The following IL34 variants were observed in gnomAD, a reference collection of about 807,000 sequenced individuals.
IL34 encodes the protein interleukin-34.
A neutral mutation model predicts 25.3 loss-of-function variants in IL34; 17 were observed. The observed-to-expected ratio is 0.67, with a 90% confidence interval of 0.46 to 1.01. IL34 has a LOEUF of 1.01. IL34 is among the 50% of genes least tolerant of loss of function. The pLI, the probability that IL34 is intolerant of heterozygous loss-of-function variation, is 0.00. For missense variants in IL34, 368 were observed against 312.9 expected (o/e 1.18, Z -1.33); for synonymous variants, 174 against 140.9 (o/e 1.23, Z -1.66).
At chr16:70,599,388 CTCTT>C (rs1259189529) in intron 1 of IL34, among the ~76,000 whole-genome samples, 57 of 145,940 alleles carry the variant, frequency 3.9e-4, no homozygotes, top group African/African-American at 1.3e-3. Flanking sequence ...CTTTCTCTCT[CTCTT>C]TCTTTCTTTA....
intron 1 of IL34, among the ~76,000 whole-genome samples, chr16:70,651,606 T>C (rs992139971): frequency 3.3e-5 from 5 of 151,504 alleles, no homozygotes; most frequent in African/African-American, 1.2e-4. Context: ...GAGAAGGCAG[T>C]GGGGAGGTAG....
chr16:70,625,225 G>A (rs2051365628), intron 1 of IL34, among the ~76,000 whole-genome samples: 1 of 151,878 alleles, frequency 6.6e-6, no homozygotes, highest in African/African-American at 2.4e-5. Flanking sequence ...AAGGAGGAAT[G>A]GATGGTGGAA....
At chr16:70,583,766 C>T (rs1014689639) in intron 1 of IL34, among the ~76,000 whole-genome samples, 1 of 152,032 alleles carries the variant, frequency 6.6e-6, no homozygotes, top group African/African-American at 2.4e-5. Context: ...ATTTTCATGC[C>T]TCAGCCTCCC....
At chr16:70,627,178 T>G (rs1007256504) in intron 1 of IL34, among the ~76,000 whole-genome samples, 2 of 152,182 alleles carry the variant, frequency 1.3e-5, no homozygotes, top group African/African-American at 4.8e-5. Context: ...CCTTATATGT[T>G]GAGCTCTTTC....
intron 1 of IL34, among the ~76,000 whole-genome samples, chr16:70,622,677 C>T (rs1295140133): frequency 6.6e-6 from 1 of 151,562 alleles, no homozygotes; most frequent in African/African-American, 2.4e-5. Flanking sequence ...ATGTGGGGGG[C>T]CAGATTGAAG....
upstream of IL34, among the ~76,000 whole-genome samples, chr16:70,645,272 A>G (rs1250206821): frequency 6.6e-6 from 1 of 152,076 alleles, no homozygotes; most frequent in African/African-American, 2.4e-5. Flanking sequence ...AACTTGAACA[A>G]CCCGTGTTCT....
intron 1 of IL34, among the ~76,000 whole-genome samples, chr16:70,652,127 C>CA (rs143991484): frequency 1.1e-3 from 156 of 143,320 alleles, no homozygotes; most frequent in East Asian, 8.2e-3. Flanking sequence ...GACTCCGTCT[C>CA]AAAAAAAAAA....
intron 1 of IL34, among the ~76,000 whole-genome samples, chr16:70,641,476 T>A (rs2051780785): frequency 6.6e-6 from 1 of 151,934 alleles, no homozygotes. Context: ...TGGATTGAAA[T>A]ACATAAATTA....
In IL34 at chr16:70,646,782, G is replaced by C; in HGVS notation, c.-166G>C. On this transcript the variant is annotated 5_prime_UTR_variant, in exon 1 of 6. Coordinates refer to ENST00000288098, the MANE Select transcript of IL34 (RefSeq NM_001393494.1). ...GCAGATAAGGGCAGCTGCTGCCCTT[G>C]GGGCACCTGCTCACTCCCGCAGCCC... The C allele has an allele frequency of 1.7e-6, 1 of 596,222 alleles. No individual in the cohort carries two copies. 36.9% of individuals were successfully genotyped at this position (596,222 alleles called of 1,614,324 possible).
At chr16:70,620,807 A>C (rs1367267408) in intron 1 of IL34, among the ~76,000 whole-genome samples, 1 of 152,200 alleles carries the variant, frequency 6.6e-6, no homozygotes, top group Non-Finnish European at 1.5e-5. Flanking sequence ...ATCAAGGGGC[A>C]TTGCAGAAGA....
chr16:70,590,565 T>C (rs2151806742), intron 1 of IL34, among the ~76,000 whole-genome samples: 1 of 152,278 alleles, frequency 6.6e-6, no homozygotes, highest in East Asian at 1.9e-4. Context: ...GGAAGGCTTG[T>C]CCCAGGTCTA....
chr16:70,652,245 T>C (rs1052804717), intron 1 of IL34, among the ~76,000 whole-genome samples: 21 of 152,072 alleles, frequency 1.4e-4, no homozygotes, highest in African/African-American at 4.6e-4. Flanking sequence ...CACTTGAGCA[T>C]AGGAGTTCAA....
At chr16:70,637,007 G>A (rs2051669452) in intron 1 of IL34, among the ~76,000 whole-genome samples, 1 of 151,752 alleles carries the variant, frequency 6.6e-6, no homozygotes, top group Non-Finnish European at 1.5e-5. Context: ...AGCCTCCCCA[G>A]TAGCTGGGAC....
At chr16:70,643,166 G>A (rs2051827402), upstream of IL34, among the ~76,000 whole-genome samples, 1 of 152,102 alleles carries the variant, frequency 6.6e-6, no homozygotes, top group South Asian at 2.1e-4. Flanking sequence ...GGGTTCAAGT[G>A]ATTCTCCTGC....
rs770277407 is a variant in IL34, at chr16:70,656,684, G to A, written c.240+5G>A. 4 of 1,301,158 alleles carry A rather than the reference G, an allele frequency of 3.1e-6. No individual in the cohort carries two copies. The highest frequency in any genetic ancestry group is 4.5e-6 in the Non-Finnish European group (4 of 894,028). The allele number at this position is 1,301,158 out of a possible 1,614,324, so 80.6% of individuals were successfully genotyped here. ...ATCGCCAACGTCACCAGGCTGGTGAGAATCCCTTCCTGGGCTGGGGGGACC... is the reference window on the plus strand; with the variant it reads ...ATCGCCAACGTCACCAGGCTGGTGAAAATCCCTTCCTGGGCTGGGGGGACC... On this transcript the variant is annotated splice_donor_5th_base_variant and intron_variant, in intron 3 of 5. Coordinates refer to ENST00000288098, the MANE Select transcript of IL34 (RefSeq NM_001393494.1).
chr16:70,590,043 T>TAG (rs1163800494), intron 1 of IL34, among the ~76,000 whole-genome samples: 2 of 152,250 alleles, frequency 1.3e-5, no homozygotes, highest in African/African-American at 4.8e-5. Context: ...AATACAAGGC[T>TAG]TTCTGCCTTC....
intron 1 of IL34, among the ~76,000 whole-genome samples, chr16:70,626,823 T>C (rs941148482): frequency 2.0e-5 from 3 of 152,200 alleles, no homozygotes; most frequent in Non-Finnish European, 4.4e-5. Flanking sequence ...ATGACTTTTT[T>C]CAGCTAAATT....
chr16:70,644,181 G>T (rs2051852030), upstream of IL34, among the ~76,000 whole-genome samples: 1 of 152,092 alleles, frequency 6.6e-6, no homozygotes, highest in Non-Finnish European at 1.5e-5. Flanking sequence ...CACCATGTTG[G>T]CCAGGCTGGT....
At chr16:70,614,013 CTT>C (rs2051134478) in intron 1 of IL34, among the ~76,000 whole-genome samples, 2 of 151,664 alleles carry the variant, frequency 1.3e-5, no homozygotes, top group South Asian at 4.2e-4. Flanking sequence ...TACAACAAGG[CTT>C]TGTCTCTTAA....
Sources: allele counts gnomAD v4.1 joint callset (sites outside exome capture counted in the v4.1 genomes callset), GRCh38; gene constraint gnomAD v4.1.1; transcripts MANE v1.5; gene names NCBI Gene and HGNC (gene_info 2026-07-23, HGNC 2026-07-21).